The following ATG2A variants were observed in gnomAD, a reference collection of about 807,000 sequenced individuals.
The protein encoded by ATG2A is autophagy related 2A, also known as autophagy-related protein 2 homolog A.
A neutral mutation model predicts 214.2 loss-of-function variants in ATG2A; 103 were observed. That is an observed-to-expected ratio of 0.48 (90% CI 0.41 to 0.57). ATG2A has a LOEUF of 0.57. Ranked by LOEUF, ATG2A falls within the 20% of genes least tolerant of loss-of-function variation. ATG2A has a pLI of 0.00. For missense variants in ATG2A, 2,312 were observed against 2,613.2 expected, an observed-to-expected ratio of 0.88 and a Z score of 2.51; for synonymous variants, 1,160 against 1,142.1, an observed-to-expected ratio of 1.02 and a Z score of -0.32.
At position 64,898,814 on chromosome 11, in the gene ATG2A, G is replaced by T. The variant is rs765085399; in HGVS notation, c.4493C>A (p.Ala1498Glu). 1 of 1,612,156 alleles carries T rather than the reference G, an allele frequency of 6.2e-7. No homozygotes were observed. The highest frequency in any genetic ancestry group is 1.1e-5 in the South Asian group (1 of 91,074). Residue 1498 changes from alanine to glutamate, a missense_variant, in exon 32 of 41, where the codon GCG becomes GAG. By Grantham distance (107) the Ala-to-Glu change is moderately radical (BLOSUM62 -1). Transcript: ENST00000377264. This position sits in a 1 kb window ranked among gnomAD's most constrained non-coding sequence, Gnocchi z 4.5. ...GGCCGCAGGGCCTGTGGCTGGCTCC[G>T]CTGGGTACACCTCGTGCTGGAAGCT... is the stretch of plus-strand genomic sequence containing the variant. Reference protein sequence around the residue: ...KVSFQHEVYPAEPATGPAAPS... With the variant: ...KVSFQHEVYPEEPATGPAAPS...
rs760681048 is a variant in ATG2A, at chr11:64,913,963, C to T, written c.488-40G>A. 1 of 1,604,852 alleles carries T rather than the reference C, an allele frequency of 6.2e-7. No individual in the cohort carries two copies. The highest frequency in any genetic ancestry group is 1.1e-5 in the South Asian group (1 of 90,192). On this transcript the variant is annotated intron_variant, in intron 3 of 40. Transcript: ENST00000377264. This position sits in a 1 kb window ranked among gnomAD's most constrained non-coding sequence, Gnocchi z 4.3. Reference sequence around the variant, plus strand: ...AGGGGTCTCAGGTCAGGTAGAGCAGCAAAGGGGAGGCAGAATTTCCCATCT... The same window carrying T: ...AGGGGTCTCAGGTCAGGTAGAGCAGTAAAGGGGAGGCAGAATTTCCCATCT...
In ATG2A at chr11:64,897,509, G is replaced by C. The variant is rs908173619; in HGVS notation, c.5068-15C>G. 3 of 1,584,004 alleles carry C rather than the reference G, an allele frequency of 1.9e-6. No individual in the cohort carries two copies. In the African/African-American group the frequency reaches 4.0e-5, roughly 21 times the overall value. On this transcript the variant is annotated splice_polypyrimidine_tract_variant and intron_variant, in intron 36 of 40. Coordinates refer to ENST00000377264, the MANE Select transcript of ATG2A (RefSeq NM_015104.3). ...GCAAAAGTGCCCTGGGAGAGGGAGG[G>C]GGTCCAGGTTTACCCAATGGGACTC... is the stretch of plus-strand genomic sequence containing the variant.
intron 39 of ATG2A, among the ~76,000 whole-genome samples, chr11:64,896,062 C>T (rs1160759176): frequency 1.3e-5 from 2 of 152,246 alleles, no homozygotes; most frequent in Non-Finnish European, 2.9e-5. Flanking sequence ...CAACTGCCCA[C>T]GAGACTGGCT....
At chr11:64,901,129 T>TCGATCCAGCCCAGCTGCC in intron 29 of ATG2A, 37 bp from the exon 30 acceptor site, 1 of 1,542,714 alleles carries the variant, frequency 6.5e-7, no homozygotes, top group Non-Finnish European at 8.7e-7. Flanking sequence ...ACACAGATGT[T>TCGATCCAGCCCAGCTGCC]CGATCCAGCC....
In ATG2A at chr11:64,907,653, T is replaced by C; in HGVS notation, c.2519A>G (p.Asp840Gly). 1.3e-6 allele frequency: 2 copies of C among 1,599,650 alleles called. No homozygotes were observed. Among genetic ancestry groups the C allele is most frequent in the Non-Finnish European group, 1.7e-6 (2 of 1,172,734 alleles). The change falls in exon 18 of 41, where the codon GAC (aspartate) becomes GGC (glycine). Residue 840 changes from aspartate to glycine, a missense_variant. Transcript: ENST00000377264. Reference sequence around the variant, plus strand: ...ATCTGCAGGCTCCCACATGAGCAGGTCGTTGTTGATCCTGAGATAGGCGGG... The same window carrying C: ...ATCTGCAGGCTCCCACATGAGCAGGCCGTTGTTGATCCTGAGATAGGCGGG... ...YESIYNRINN[D>G]LLMWEPADLL...
chr11:64,903,563 A>G lies in ATG2A; in HGVS notation c.3535+27T>C. On this transcript the variant is annotated intron_variant, in intron 25 of 40. Coordinates refer to ENST00000377264, the MANE Select transcript of ATG2A (RefSeq NM_015104.3). The surrounding 1 kb of genome is among the most constrained non-coding windows in gnomAD (Gnocchi z 4.2). ...CCGGGGCGGTGGTCCCTCAGAGGGG[A>G]GGGAGCCCAGTCCCGGCCCTGCCCA... 2.6e-6 allele frequency: 4 copies of G among 1,533,576 alleles called. No homozygotes were observed. The highest frequency in any genetic ancestry group is 3.5e-6 in the Non-Finnish European group (4 of 1,136,474). The allele number at this position is 1,533,576 out of a possible 1,614,324, so 95.0% of individuals were successfully genotyped here.
chr11:64,907,573 CTGAGGGG>C lies in ATG2A; in HGVS notation c.2592_2598del (p.Pro865AlafsTer64). ...ATCTTAAAGCTGTCGTGCCAGAAGC[CTGAGGGG>C]CCGGGGAAGCCCGAGGGCTGGGCGG... On this transcript the variant is annotated frameshift_variant, in exon 18 of 41. Coordinates refer to ENST00000377264, the MANE Select transcript of ATG2A (RefSeq NM_015104.3). LOFTEE classifies it high-confidence loss of function. 6.2e-7 allele frequency: 1 copy of C among 1,608,296 alleles called. No homozygotes were observed. Among genetic ancestry groups the C allele is most frequent in the Non-Finnish European group, 8.5e-7 (1 of 1,178,466 alleles).
chr11:64,906,287 C>T (rs1472628742), intron 21 of ATG2A, 47 bp downstream of exon 21: 1 of 1,608,422 alleles, frequency 6.2e-7, no homozygotes, highest in South Asian at 1.1e-5. Flanking sequence ...CACACCGGGG[C>T]TGCAGCCCAG....
In ATG2A at chr11:64,898,932, G is replaced by A; in HGVS notation, c.4465-90C>T. The A allele has an allele frequency of 7.9e-7, 1 of 1,272,990 alleles. No individual in the cohort carries two copies. The highest frequency in any genetic ancestry group is 1.1e-6 in the Non-Finnish European group (1 of 918,106). 78.9% of individuals were successfully genotyped at this position (1,272,990 alleles called of 1,614,324 possible). A position where few individuals can be genotyped will look rare whatever the true frequency, so the allele number is the denominator to read the frequency against. ...CAGACCCCTTCTCTATTCTTTTTTT[G>A]AGACAGAGTCTCACTCTGTCGCCCA... On this transcript the variant is annotated intron_variant, in intron 31 of 40. Transcript: ENST00000377264. This position sits in a 1 kb window ranked among gnomAD's most constrained non-coding sequence, Gnocchi z 4.5.
intron 16 of ATG2A, among the ~76,000 whole-genome samples, chr11:64,908,657 G>T (rs1215166703): frequency 1.3e-5 from 2 of 151,856 alleles, no homozygotes; most frequent in African/African-American, 4.8e-5. Flanking sequence ...ACTCCCCAGG[G>T]TGATGACACA....
chr11:64,905,044 C>T (rs894740107), intron 24 of ATG2A, among the ~76,000 whole-genome samples: 3 of 152,174 alleles, frequency 2.0e-5, no homozygotes, highest in Non-Finnish European at 2.9e-5. Context: ...TTAGTAGAGA[C>T]GGGGTTTCAC....
intron 12 of ATG2A, 39 bp from the exon 13 acceptor site, chr11:64,910,234 G>A (rs1185773063): frequency 1.9e-6 from 3 of 1,540,782 alleles, no homozygotes; most frequent in South Asian, 2.5e-5. Flanking sequence ...GGGCTGAGTG[G>A]TACTCAGCGG....
rs1346569730 is a variant in ATG2A, at chr11:64,913,333, G to A, written c.659C>T (p.Pro220Leu). 3 of 1,606,982 alleles carry A rather than the reference G, an allele frequency of 1.9e-6. No individual in the cohort carries two copies. The highest frequency in any genetic ancestry group is 1.1e-5 in the South Asian group (1 of 90,040). ...CTGCAGCAGCTTGTGCAGGAAGGCA[G>A]GCGGCTGATGCACGTCCACCGGCGG... is the stretch of plus-strand genomic sequence containing the variant. ...QAPPVDVHQP[P>L]AFLHKLLQLA... The change falls in exon 5 of 41, where the codon CCT becomes CTT. Residue 220 changes from proline to leucine, a missense_variant. Pro to Leu is a moderately conservative substitution (Grantham distance 98). Coordinates refer to ENST00000377264, the MANE Select transcript of ATG2A (RefSeq NM_015104.3). The surrounding 1 kb of genome is among the most constrained non-coding windows in gnomAD (Gnocchi z 4.3).
intron 16 of ATG2A, 40 bp downstream of exon 16, chr11:64,908,951 G>A (rs1944657843): frequency 6.5e-7 from 1 of 1,541,836 alleles, no homozygotes; most frequent in Non-Finnish European, 8.7e-7. Context: ...CGGGCGGTGG[G>A]CGGGAGGGGG....
chr11:64,905,485 G>T, intron 24 of ATG2A, 78 bp downstream of exon 24: 1 of 1,389,294 alleles, frequency 7.2e-7, no homozygotes, highest in Non-Finnish European at 1.0e-6. Flanking sequence ...AAGACCGAGA[G>T]CACCAGAGGA....
rs145632022 is a variant in ATG2A, at chr11:64,902,584, C to G, written c.3709G>C (p.Val1237Leu). The G allele has an allele frequency of 6.2e-7, 1 of 1,606,084 alleles. No individual in the cohort carries two copies. The highest frequency in any genetic ancestry group is 1.1e-5 in the South Asian group (1 of 90,110). ...GGGTGCAGATCGCCTGTGCTCATTA[C>G]GTACTGGAGCAGGTTGACCAGCAGG... Reference protein sequence around the residue: ...CALLVNLLQYVMSTGDLHPPP... With the variant: ...CALLVNLLQYLMSTGDLHPPP... Residue 1237 changes from valine (V) to leucine (L), a missense_variant, in exon 27 of 41, where the codon GTA becomes CTA. Physicochemically the swap from Val to Leu is conservative, Grantham distance 32. Transcript: ENST00000377264.
chr11:64,907,057 G>A (rs1944578780), intron 19 of ATG2A, among the ~76,000 whole-genome samples, 198 bp downstream of exon 19: 1 of 152,234 alleles, frequency 6.6e-6, no homozygotes, highest in South Asian at 2.1e-4. Flanking sequence ...CCCTAGCATG[G>A]TGCTTTACAT....
At chr11:64,905,225 C>T (rs938841731) in intron 24 of ATG2A, among the ~76,000 whole-genome samples, 1 of 152,154 alleles carries the variant, frequency 6.6e-6, no homozygotes, top group Non-Finnish European at 1.5e-5. Context: ...ACTAGGTGGG[C>T]CATGCTTATT....
Position 64,900,643 on chromosome 11 carries a change from CA to C in ATG2A, c.4329-15del, listed in dbSNP as rs1565744331. ...CCAGTTCTTGCCCTGGGAAGAGGGA[CA>C]GGGGCCAAGCTGACTCAGAGGAACC... On this transcript the variant is annotated splice_polypyrimidine_tract_variant and intron_variant, in intron 30 of 40. Transcript: ENST00000377264. 6.3e-7 allele frequency: 1 copy of C among 1,589,790 alleles called. No individual in the cohort carries two copies. Among genetic ancestry groups the C allele is most frequent in the East Asian group, 2.2e-5 (1 of 44,652 alleles).
Sources: allele counts gnomAD v4.1 joint callset (sites outside exome capture counted in the v4.1 genomes callset), GRCh38; gene constraint gnomAD v4.1.1; non-coding constraint Gnocchi (gnomAD v3.1); transcripts MANE v1.5; gene names NCBI Gene and HGNC (gene_info 2026-07-23, HGNC 2026-07-21).